Variants in INPP5A observed in about 807,000 individuals in gnomAD.
INPP5A encodes inositol polyphosphate-5-phosphatase A.
In INPP5A, 14 loss-of-function variants were observed where a neutral mutation model predicts 65.2. The observed-to-expected ratio is 0.21, with a 90% confidence interval of 0.14 to 0.34. The LOEUF (loss-of-function observed/expected upper bound fraction) is 0.34. INPP5A is among the 10% of genes least tolerant of loss of function. The probability of loss-of-function intolerance (pLI) is 1.00; values close to 1 mark genes in which losing one functional copy is unlikely to be tolerated. For synonymous variants in INPP5A, 207 were observed against 208.3 expected, an observed-to-expected ratio of 0.99 and a Z score of 0.05; for missense variants, 431 against 545.6, an observed-to-expected ratio of 0.79 and a Z score of 2.09.
chr10:132,641,640 G>A (rs1475108074), intron 2 of INPP5A, among the ~76,000 whole-genome samples: 1 of 152,228 alleles, frequency 6.6e-6, no homozygotes, highest in Non-Finnish European at 1.5e-5. Context: ...GCCCCGTGTT[G>A]TAAACTGTGC....
chr10:132,577,469 C>T (rs185873708), intron 1 of INPP5A, among the ~76,000 whole-genome samples: 3 of 152,324 alleles, frequency 2.0e-5, no homozygotes, highest in Admixed American at 2.0e-4. Flanking sequence ...GGCCCCGGGC[C>T]AGGGAACGGG....
chr10:132,731,983 C>G (rs1219090267), intron 9 of INPP5A, among the ~76,000 whole-genome samples: 1 of 152,246 alleles, frequency 6.6e-6, no homozygotes, highest in Non-Finnish European at 1.5e-5. Context: ...ATGTCCCCAA[C>G]AGACGTAGAT....
At chr10:132,563,281 G>C (rs1473190448) in intron 1 of INPP5A, among the ~76,000 whole-genome samples, 1 of 152,192 alleles carries the variant, frequency 6.6e-6, no homozygotes, top group African/African-American at 2.4e-5. Context: ...ATTGCTGAGG[G>C]TCTTGGCCAA....
At chr10:132,570,776 G>A (rs1011542395) in intron 1 of INPP5A, among the ~76,000 whole-genome samples, 2 of 152,204 alleles carry the variant, frequency 1.3e-5, no homozygotes, top group African/African-American at 4.8e-5. Flanking sequence ...ACACTTCTGG[G>A]TGACTGGCTG....
Position 132,709,582 on chromosome 10 carries a change from C to T in INPP5A, c.528-755C>T, listed in dbSNP as rs545629614. Among the ~76,000 whole-genome samples, 10 of 152,204 alleles carry T rather than the reference C, an allele frequency of 6.6e-5. No individual in the cohort carries two copies. The South Asian group carries it at 1.7e-3, about 25-fold the overall frequency. ...GGGCACGTTCACCAGGCAGCGTCAT[C>T]GGGGTCATTGTGGCAGCTGGGCCAC... On this transcript the variant is annotated intron_variant, in intron 7 of 15. Transcript: ENST00000368594.
intron 4 of INPP5A, among the ~76,000 whole-genome samples, chr10:132,682,605 G>T (rs773630245): frequency 2.6e-5 from 4 of 152,274 alleles, no homozygotes; most frequent in Non-Finnish European, 5.9e-5. Context: ...GGCAACAGGA[G>T]GGGCAACGTG....
At chr10:132,752,596 GGGGTGTGGCATGGAGT>G (rs1302868616) in intron 11 of INPP5A, among the ~76,000 whole-genome samples, 1 of 125,656 alleles carries the variant, frequency 8.0e-6, no homozygotes, top group Non-Finnish European at 1.7e-5. Flanking sequence ...GTGGCATGGA[GGGGTGTGGCATGGAGT>G]GGGGTGTGGC....
chr10:132,619,925 C>T (rs1009533152), intron 2 of INPP5A, among the ~76,000 whole-genome samples: 1 of 152,254 alleles, frequency 6.6e-6, no homozygotes, highest in Non-Finnish European at 1.5e-5. Flanking sequence ...GCTGGGATTA[C>T]AGGTGTGAGC....
intron 4 of INPP5A, among the ~76,000 whole-genome samples, chr10:132,679,575 G>C (rs1266422136): frequency 6.6e-6 from 1 of 152,118 alleles, no homozygotes; most frequent in Non-Finnish European, 1.5e-5. Context: ...CAGGGAAGGA[G>C]AATGTGGAGT....
chr10:132,735,870 T>C (rs1351960329), intron 9 of INPP5A, among the ~76,000 whole-genome samples: 1 of 152,092 alleles, frequency 6.6e-6, no homozygotes, highest in Non-Finnish European at 1.5e-5. Context: ...GACCCCGAGG[T>C]GGAGACCTGC....
rs1317855613 is a variant in INPP5A, at chr10:132,587,684, T to A, written c.76-20231T>A. On this transcript the variant is annotated intron_variant, in intron 1 of 15. Transcript: ENST00000368594. This position sits in a 1 kb window ranked among gnomAD's most constrained non-coding sequence, Gnocchi z 4.3. ...AGATAATTGCGTTTTGTGTATGCCATGATTTCAAAGTTATACTTGTGTTGT... is the reference window on the plus strand; with the variant it reads ...AGATAATTGCGTTTTGTGTATGCCAAGATTTCAAAGTTATACTTGTGTTGT... Among the ~76,000 whole-genome samples, 1 of 152,208 alleles carries A rather than the reference T, an allele frequency of 6.6e-6. No homozygotes were observed. Among genetic ancestry groups the A allele is most frequent in the African/African-American group, 2.4e-5 (1 of 41,454 alleles).
At chr10:132,666,180 T>G (rs1392981494) in intron 4 of INPP5A, among the ~76,000 whole-genome samples, 1 of 152,112 alleles carries the variant, frequency 6.6e-6, no homozygotes, top group Non-Finnish European at 1.5e-5. Flanking sequence ...ACTGTTATAA[T>G]GCATCATTAC....
In INPP5A at chr10:132,674,180, G is replaced by A. The variant is rs1390900362; in HGVS notation, c.307-16212G>A. ...TCACAAATTTTGACCACTCAGAGAG[G>A]TCTGTCCACATACCTCTTCCCCAGA... On this transcript the variant is annotated intron_variant, in intron 4 of 15. Transcript: ENST00000368594. This position sits in a 1 kb window ranked among gnomAD's most constrained non-coding sequence, Gnocchi z 4.4. Among the ~76,000 whole-genome samples, 1 of 152,210 alleles carries A rather than the reference G, an allele frequency of 6.6e-6. No individual in the cohort carries two copies. The highest frequency in any genetic ancestry group is 1.5e-5 in the Non-Finnish European group (1 of 68,046).
rs2072472779 is a variant in INPP5A, at chr10:132,644,850, C to T, written c.118-1018C>T. ...CCCCGACTGCCTCACATGTGTCCCACCCAGGGTTTCCTGCCAGGTGAGATG... is the reference window on the plus strand; with the variant it reads ...CCCCGACTGCCTCACATGTGTCCCATCCAGGGTTTCCTGCCAGGTGAGATG... On this transcript the variant is annotated intron_variant, in intron 2 of 15. Coordinates refer to ENST00000368594, the MANE Select transcript of INPP5A (RefSeq NM_005539.5). The surrounding 1 kb of genome is among the most constrained non-coding windows in gnomAD (Gnocchi z 6.5). 6.6e-6 allele frequency among the ~76,000 whole-genome samples: 1 copy of T among 152,216 alleles called. No homozygotes were observed. Among genetic ancestry groups the T allele is most frequent in the African/African-American group, 2.4e-5 (1 of 41,442 alleles).
intron 4 of INPP5A, among the ~76,000 whole-genome samples, chr10:132,667,159 T>C (rs950376678): frequency 1.3e-5 from 2 of 152,238 alleles, no homozygotes; most frequent in Non-Finnish European, 2.9e-5. Flanking sequence ...GTCTAATAAA[T>C]GCTGCTGTAC....
At chr10:132,778,789 G>A (rs1433773591) in intron 13 of INPP5A, among the ~76,000 whole-genome samples, 3 of 152,196 alleles carry the variant, frequency 2.0e-5, no homozygotes, top group African/African-American at 7.2e-5. Context: ...AGCTGTGTGA[G>A]GCTCCAGTTG....
chr10:132,630,176 C>T (rs568655731), intron 2 of INPP5A, among the ~76,000 whole-genome samples: 4 of 152,220 alleles, frequency 2.6e-5, no homozygotes, highest in Middle Eastern at 3.4e-3. Flanking sequence ...GAAAAGGCGT[C>T]CATGAGGGTA....
intron 2 of INPP5A, among the ~76,000 whole-genome samples, chr10:132,611,118 A>G (rs1464271859): frequency 3.4e-5 from 5 of 146,634 alleles, no homozygotes; most frequent in Non-Finnish European, 7.5e-5. Context: ...TGAGGTGGGC[A>G]GGGGAGAGGC....
At chr10:132,690,313 C>G in intron 4 of INPP5A, 79 bp from the exon 5 acceptor site, 1 of 949,212 alleles carries the variant, frequency 1.1e-6, no homozygotes, top group Admixed American at 1.9e-5. Flanking sequence ...TTTAAAAGAG[C>G]TTCTTTTATT....
Sources: allele counts gnomAD v4.1 joint callset (sites outside exome capture counted in the v4.1 genomes callset), GRCh38; gene constraint gnomAD v4.1.1; non-coding constraint Gnocchi (gnomAD v3.1); transcripts MANE v1.5; gene names NCBI Gene and HGNC (gene_info 2026-07-23, HGNC 2026-07-21).